Variants in NTM observed in about 807,000 individuals in gnomAD.
NTM encodes neurotrimin, also known as IgLON family member 2.
A neutral mutation model predicts 42.1 loss-of-function variants in NTM; 13 were observed. That is an observed-to-expected ratio of 0.31 (90% CI 0.20 to 0.49). The LOEUF (loss-of-function observed/expected upper bound fraction) is 0.49. NTM is among the 20% of genes least tolerant of loss of function. The pLI is 0.99. For missense variants in NTM, 373 were observed against 452.8 expected (o/e 0.82, Z 1.60); for synonymous variants, 187 against 179.2 (o/e 1.04, Z -0.35).
In NTM at chr11:132,146,498, C is replaced by A. The variant is rs1282606995; in HGVS notation, c.384C>A (p.Val128=). ...QTDNHPKTSR[V]HLIVQVSPKI... is the part of the protein sequence containing the mutation. Reference sequence around the variant, plus strand: ...ACAACCACCCAAAGACCTCTAGGGTCCACCTCATTGTGCAAGGTAGGTGGG... The same window carrying A: ...ACAACCACCCAAAGACCTCTAGGGTACACCTCATTGTGCAAGGTAGGTGGG... The change falls in exon 3 of 9, where the codon GTC becomes GTA. Residue 128 remains valine (V), a synonymous_variant. Coordinates refer to ENST00000683400, the MANE Select transcript of NTM (RefSeq NM_001352005.2). This position sits in a 1 kb window ranked among gnomAD's most constrained non-coding sequence, Gnocchi z 4.5. The A allele has an allele frequency of 1.9e-6, 3 of 1,614,134 alleles. No individual in the cohort carries two copies. The South Asian group carries it at 3.3e-5, about 18-fold the overall frequency.
At chr11:131,904,106 C>T (rs1482171785) in intron 1 of NTM, among the ~76,000 whole-genome samples, 2 of 152,014 alleles carry the variant, frequency 1.3e-5, no homozygotes, top group African/African-American at 4.8e-5. Context: ...ACAGTTGGAC[C>T]CATATGTTAT....
intron 1 of NTM, among the ~76,000 whole-genome samples, chr11:131,811,671 G>A (rs2092734845): frequency 1.3e-5 from 2 of 152,190 alleles, no homozygotes; most frequent in South Asian, 4.1e-4. Flanking sequence ...GTAACTCTAT[G>A]GCAGGCTTAG....
intron 4 of NTM, among the ~76,000 whole-genome samples, chr11:132,233,455 A>T (rs1236674877): frequency 6.6e-6 from 1 of 152,206 alleles, no homozygotes; most frequent in East Asian, 1.9e-4. Context: ...GTCACTAGGG[A>T]TCAGCAGATT....
chr11:132,211,999 T>G, intron 3 of NTM, 23 bp from the exon 4 acceptor site: 1 of 1,601,644 alleles, frequency 6.2e-7, no homozygotes, highest in East Asian at 2.2e-5. Flanking sequence ...GATTTTTATT[T>G]TCATTCTGTC....
chr11:131,846,989 T>A (rs1467011764), intron 1 of NTM, among the ~76,000 whole-genome samples: 2 of 152,176 alleles, frequency 1.3e-5, no homozygotes, highest in Non-Finnish European at 2.9e-5. Flanking sequence ...AGGGTCTTGT[T>A]AAGGCTCTGG....
chr11:131,916,590 C>T (rs772301552), intron 2 of NTM, among the ~76,000 whole-genome samples: 4 of 152,276 alleles, frequency 2.6e-5, no homozygotes, highest in Admixed American at 6.5e-5. Context: ...ACGCGGGAGT[C>T]ACCCTCTAGA....
At chr11:131,447,650 T>A (rs1361323574) in intron 1 of NTM, among the ~76,000 whole-genome samples, 1 of 152,192 alleles carries the variant, frequency 6.6e-6, no homozygotes, top group African/African-American at 2.4e-5. Context: ...TTGCATCCCA[T>A]GCCTTGACAC....
At chr11:131,453,333 C>A (rs890210913) in intron 1 of NTM, among the ~76,000 whole-genome samples, 6 of 152,128 alleles carry the variant, frequency 3.9e-5, no homozygotes, top group African/African-American at 1.2e-4. Context: ...GAGAGGAGAA[C>A]TCTTGTGATG....
intron 3 of NTM, among the ~76,000 whole-genome samples, chr11:132,181,813 A>G (rs972945095): frequency 1.3e-5 from 2 of 152,058 alleles, no homozygotes; most frequent in African/African-American, 2.4e-5. Context: ...GTATCTTTGC[A>G]TTTTTAACTA....
At chr11:131,427,215 A>G (rs548142880) in intron 1 of NTM, among the ~76,000 whole-genome samples, 1 of 152,206 alleles carries the variant, frequency 6.6e-6, no homozygotes, top group East Asian at 1.9e-4. Context: ...GTGGGTGTGT[A>G]GAATTGCAGG....
At chr11:131,463,163 A>G (rs183789381) in intron 1 of NTM, among the ~76,000 whole-genome samples, 40 of 152,300 alleles carry the variant, frequency 2.6e-4, no homozygotes, top group Admixed American at 2.4e-3. Flanking sequence ...CAGGAGCAAC[A>G]TTCCATCCTA....
intron 3 of NTM, among the ~76,000 whole-genome samples, chr11:132,155,883 TG>T (rs1044506781): frequency 6.6e-6 from 1 of 151,820 alleles, no homozygotes. Context: ...TGCAAAGGAG[TG>T]GGGTGCAGGT....
At chr11:131,445,257 G>C (rs894880510) in intron 1 of NTM, among the ~76,000 whole-genome samples, 1 of 152,100 alleles carries the variant, frequency 6.6e-6, no homozygotes, top group South Asian at 2.1e-4. Context: ...TACCCCTAAG[G>C]GTATGTATAC....
intron 2 of NTM, among the ~76,000 whole-genome samples, chr11:131,954,331 G>A (rs958807687): frequency 2.0e-5 from 3 of 152,224 alleles, no homozygotes; most frequent in African/African-American, 7.2e-5. Flanking sequence ...AGGCAGGAGG[G>A]TGACTGTCGC....
At chr11:131,798,397 G>A (rs1037002261) in intron 1 of NTM, among the ~76,000 whole-genome samples, 2 of 152,198 alleles carry the variant, frequency 1.3e-5, no homozygotes, top group African/African-American at 4.8e-5. Flanking sequence ...AATGCCTTAT[G>A]CATCTGTCCT....
intron 2 of NTM, among the ~76,000 whole-genome samples, chr11:131,978,428 A>G (rs1385728470): frequency 6.6e-6 from 1 of 152,198 alleles, no homozygotes; most frequent in Non-Finnish European, 1.5e-5. Flanking sequence ...CTTTTGAACA[A>G]ATCTTACTCA....
rs572474304 is a variant in NTM, at chr11:131,823,398, G to T, written c.83-88166G>T. Among the ~76,000 whole-genome samples the T allele has an allele frequency of 6.6e-5, 10 of 152,212 alleles. No homozygotes were observed. In the East Asian group the frequency reaches 1.9e-3, roughly 29 times the overall value. On this transcript the variant is annotated intron_variant, in intron 1 of 8. Transcript: ENST00000683400. Reference sequence around the variant, plus strand: ...AGTAGGTAAGCACGAAATTAGAGGGGGTTAACTGTATTATACACAGATTTA... The same window carrying T: ...AGTAGGTAAGCACGAAATTAGAGGGTGTTAACTGTATTATACACAGATTTA...
At chr11:131,951,971 C>T (rs1329553681) in intron 2 of NTM, among the ~76,000 whole-genome samples, 1 of 152,030 alleles carries the variant, frequency 6.6e-6, no homozygotes, top group Non-Finnish European at 1.5e-5. Context: ...TAGTATATGA[C>T]CTATAAAAGT....
At chr11:131,579,587 T>C (rs1447363425) in intron 1 of NTM, among the ~76,000 whole-genome samples, 1 of 152,182 alleles carries the variant, frequency 6.6e-6, no homozygotes, top group Non-Finnish European at 1.5e-5. Flanking sequence ...GCCACGTCCA[T>C]GCATGGGAGG....
Sources: allele counts gnomAD v4.1 joint callset (sites outside exome capture counted in the v4.1 genomes callset), GRCh38; gene constraint gnomAD v4.1.1; non-coding constraint Gnocchi (gnomAD v3.1); transcripts MANE v1.5; gene names NCBI Gene and HGNC (gene_info 2026-07-23, HGNC 2026-07-21).